KCNK10: variants seen among roughly 807,000 people sequenced by gnomAD.
The protein encoded by KCNK10 is potassium two pore domain channel subfamily K member 10, also known as potassium channel subfamily K member 10.
In KCNK10, 25 loss-of-function variants were observed where a neutral mutation model predicts 47.7. The ratio of observed to expected loss-of-function variants is 0.52; its 90% confidence interval spans 0.38 to 0.73. KCNK10 has a LOEUF of 0.73. Among genes scored for constraint, KCNK10 ranks in the 30% least tolerant of loss-of-function variants. The pLI is 0.00. For missense variants in KCNK10, 563 were observed against 714.5 expected, an observed-to-expected ratio of 0.79 and a Z score of 2.42; for synonymous variants, 303 against 285.6, an observed-to-expected ratio of 1.06 and a Z score of -0.61.
At chr14:88,308,166 C>T (rs1028422870) in intron 1 of KCNK10, among the ~76,000 whole-genome samples, 2 of 152,096 alleles carry the variant, frequency 1.3e-5, no homozygotes, top group African/African-American at 4.8e-5. Context: ...AGTCAAGGTT[C>T]CCTCGATCAC....
At chr14:88,240,292 C>T (rs1292729725) in intron 3 of KCNK10, among the ~76,000 whole-genome samples, 1 of 152,166 alleles carries the variant, frequency 6.6e-6, no homozygotes, top group Non-Finnish European at 1.5e-5. Context: ...ATGAAAGCAA[C>T]AGTCTCTGGG....
chr14:88,287,752 T>C (rs948446456), intron 1 of KCNK10, among the ~76,000 whole-genome samples: 4 of 151,688 alleles, frequency 2.6e-5, no homozygotes, highest in Non-Finnish European at 4.4e-5. Flanking sequence ...CACTCATTGA[T>C]TGATGGGCAT....
intron 1 of KCNK10, among the ~76,000 whole-genome samples, chr14:88,312,450 T>C (rs1326302708): frequency 6.6e-6 from 1 of 152,218 alleles, no homozygotes; most frequent in Non-Finnish European, 1.5e-5. Context: ...GACTTGCGTT[T>C]CAGTCACCAT....
intron 1 of KCNK10, among the ~76,000 whole-genome samples, chr14:88,318,735 G>A (rs990918381): frequency 1.3e-5 from 2 of 152,202 alleles, no homozygotes; most frequent in Non-Finnish European, 2.9e-5. Context: ...CAAAGTCAGA[G>A]AGGTAGACAA....
At chr14:88,289,490 G>A (rs1450591673) in intron 1 of KCNK10, among the ~76,000 whole-genome samples, 1 of 152,230 alleles carries the variant, frequency 6.6e-6, no homozygotes, top group Admixed American at 6.5e-5. Flanking sequence ...GCAGCTTTGG[G>A]TGATGGCAGG....
At chr14:88,237,225 C>T (rs1483849793) in intron 3 of KCNK10, among the ~76,000 whole-genome samples, 15 of 152,176 alleles carry the variant, frequency 9.9e-5, no homozygotes, top group Admixed American at 9.8e-4. Flanking sequence ...GAAGAAGCTC[C>T]TAATTCATTC....
intron 2 of KCNK10, among the ~76,000 whole-genome samples, chr14:88,248,338 A>T (rs2139900159): frequency 6.6e-6 from 1 of 152,344 alleles, no homozygotes; most frequent in Admixed American, 6.5e-5. Flanking sequence ...TAATAACATC[A>T]TGAAAAAGAG....
chr14:88,185,470 G>A lies in KCNK10; in HGVS notation c.*65C>T, dbSNP rs1884511179. On this transcript the variant is annotated 3_prime_UTR_variant, in exon 7 of 7. Coordinates refer to ENST00000319231, the MANE Select transcript of KCNK10 (RefSeq NM_138317.3). This position sits in a 1 kb window ranked among gnomAD's most constrained non-coding sequence, Gnocchi z 4.3. Reference sequence around the variant, plus strand: ...GTCTGTTTAAGGCACATGTCTCAGTGTGAATATTAAAAACACACACACACA... The same window carrying A: ...GTCTGTTTAAGGCACATGTCTCAGTATGAATATTAAAAACACACACACACA... The A allele has an allele frequency of 6.5e-7, 1 of 1,526,992 alleles. No individual in the cohort carries two copies. Among genetic ancestry groups the A allele is most frequent in the African/African-American group, 1.5e-5 (1 of 68,726 alleles). 94.6% of individuals were successfully genotyped at this position (1,526,992 alleles called of 1,614,324 possible). A position where few individuals can be genotyped will look rare whatever the true frequency, so the allele number is the denominator to read the frequency against.
At chr14:88,257,132 A>G (rs1886978978) in intron 2 of KCNK10, among the ~76,000 whole-genome samples, 1 of 152,190 alleles carries the variant, frequency 6.6e-6, no homozygotes, top group East Asian at 1.9e-4. Context: ...CCTTTTCTCT[A>G]TCTCTCAGCA....
At chr14:88,313,294 C>T (rs1249755144) in intron 1 of KCNK10, among the ~76,000 whole-genome samples, 1 of 152,196 alleles carries the variant, frequency 6.6e-6, no homozygotes, top group Admixed American at 6.5e-5. Context: ...GGTGATTTTT[C>T]AATATGTCTT....
chr14:88,191,016 C>G (rs1566678857), intron 5 of KCNK10, among the ~76,000 whole-genome samples: 1 of 152,136 alleles, frequency 6.6e-6, no homozygotes, highest in Non-Finnish European at 1.5e-5. Flanking sequence ...GCAGGCCGAT[C>G]ACATGAGCCC....
intron 1 of KCNK10, among the ~76,000 whole-genome samples, chr14:88,272,318 CTG>C (rs1252938856): frequency 6.6e-6 from 1 of 152,126 alleles, no homozygotes; most frequent in African/African-American, 2.4e-5. Flanking sequence ...CGTGCAGATG[CTG>C]TGTTTGACAG....
chr14:88,251,661 A>G (rs947516375), intron 2 of KCNK10, among the ~76,000 whole-genome samples: 4 of 152,234 alleles, frequency 2.6e-5, no homozygotes, highest in Non-Finnish European at 5.9e-5. Flanking sequence ...ATGGCAATGT[A>G]CTGATTGACC....
Position 88,276,509 on chromosome 14 carries a change from A to G in KCNK10, c.53-12958T>C, listed in dbSNP as rs943629778. On this transcript the variant is annotated intron_variant, in intron 1 of 6. Coordinates refer to ENST00000319231, the MANE Select transcript of KCNK10 (RefSeq NM_138317.3). ...GATCATCCTCTCTTTCCAGCTTGCT[A>G]CCCTCATCGCTCCCACATCATACCC... is the stretch of plus-strand genomic sequence containing the variant. Among the ~76,000 whole-genome samples, 7 of 152,172 alleles carry G rather than the reference A, an allele frequency of 4.6e-5. No individual in the cohort carries two copies. The South Asian group carries it at 1.5e-3, about 32-fold the overall frequency.
At chr14:88,291,707 C>T (rs1396909076) in intron 1 of KCNK10, among the ~76,000 whole-genome samples, 1 of 152,162 alleles carries the variant, frequency 6.6e-6, no homozygotes, top group East Asian at 1.9e-4. Context: ...GAATGATGCC[C>T]TCTGGAGGTG....
chr14:88,255,905 A>C (rs1886941839), intron 2 of KCNK10, among the ~76,000 whole-genome samples: 1 of 152,208 alleles, frequency 6.6e-6, no homozygotes, highest in Non-Finnish European at 1.5e-5. Context: ...GGCTTCTTGC[A>C]AGAGTTAAAT....
At chr14:88,293,152 T>A (rs1887915471) in intron 1 of KCNK10, among the ~76,000 whole-genome samples, 1 of 152,216 alleles carries the variant, frequency 6.6e-6, no homozygotes, top group Non-Finnish European at 1.5e-5. Context: ...TGGTTTGTAC[T>A]CTCAAGAAGG....
intron 2 of KCNK10, among the ~76,000 whole-genome samples, chr14:88,247,703 G>A (rs1886683815): frequency 6.6e-6 from 1 of 152,170 alleles, no homozygotes; most frequent in Non-Finnish European, 1.5e-5. Context: ...TATGGTCTTA[G>A]ACACGCTAGC....
chr14:88,192,308 A>T lies in KCNK10; in HGVS notation c.784T>A (p.Tyr262Asn), dbSNP rs1178902392. The T allele has an allele frequency of 1.9e-6, 3 of 1,614,180 alleles. No individual in the cohort carries two copies. The highest frequency in any genetic ancestry group is 2.5e-6 in the Non-Finnish European group (3 of 1,180,026). ...FVTIPAVIFK[Y>N]IEGWTALESI... ...TCCAAGGCCGTCCAGCCCTCGATGTACTTAAAGATGACAGCAGGGATCGTC... is the reference window on the plus strand; with the variant it reads ...TCCAAGGCCGTCCAGCCCTCGATGTTCTTAAAGATGACAGCAGGGATCGTC... The change falls in exon 5 of 7, where the codon TAC becomes AAC. Residue 262 changes from tyrosine to asparagine, a missense_variant. Transcript: ENST00000319231.
Sources: allele counts gnomAD v4.1 joint callset (sites outside exome capture counted in the v4.1 genomes callset), GRCh38; gene constraint gnomAD v4.1.1; non-coding constraint Gnocchi (gnomAD v3.1); transcripts MANE v1.5; gene names NCBI Gene and HGNC (gene_info 2026-07-23, HGNC 2026-07-21).